The following PCDHGA8 variants were observed in gnomAD, a reference collection of about 807,000 sequenced individuals.
The protein encoded by PCDHGA8 is protocadherin gamma-A8.
In PCDHGA8, 45 loss-of-function variants were observed where a neutral mutation model predicts 59.2. The ratio of observed to expected loss-of-function variants is 0.76; its 90% CI spans 0.60 to 0.98. The LOEUF (loss-of-function observed/expected upper bound fraction) is 0.98, where lower values mean the gene tolerates loss of function less well. PCDHGA8 is among the 50% of genes least tolerant of loss of function. The pLI is 0.00. For missense variants in PCDHGA8, 1,257 were observed against 1,196.2 expected (o/e 1.05, Z -0.75); for synonymous variants, 531 against 519.0 (o/e 1.02, Z -0.32).
At chr5:141,507,443 G>A (rs2099860678) in intron 3 of PCDHGA8, among the ~76,000 whole-genome samples, 2 of 152,200 alleles carry the variant, frequency 1.3e-5, no homozygotes. Flanking sequence ...TACAGCTGAC[G>A]GAAGGACAGA....
intron 1 of PCDHGA8, chr5:141,414,689 T>G (rs1256681548): frequency 1.2e-6 from 2 of 1,614,070 alleles, no homozygotes; most frequent in Non-Finnish European, 8.5e-7. Context: ...GGGGTACCTC[T>G]GTCCTCATAC....
rs147522770 is a variant in PCDHGA8, at chr5:141,504,573, C to T, written c.2484-820C>T. On this transcript the variant is annotated intron_variant, in intron 2 of 3. Coordinates refer to ENST00000398604, the MANE Select transcript of PCDHGA8 (RefSeq NM_032088.2). ...TGGGGGACTGGCATTCTAGGGAACA[C>T]CATCTGCCCAGGATTCACAGCAAGA... Among the ~76,000 whole-genome samples the T allele has an allele frequency of 5.4e-5, 8 of 148,158 alleles. No individual in the cohort carries two copies. In the East Asian group the frequency reaches 1.6e-3, roughly 30 times the overall value.
chr5:141,509,199 GTC>G (rs1017134758), intron 3 of PCDHGA8, among the ~76,000 whole-genome samples: 1 of 152,070 alleles, frequency 6.6e-6, no homozygotes, highest in Non-Finnish European at 1.5e-5. Context: ...AATATTTCCT[GTC>G]TCTCTATTTC....
At position 141,394,405 on chromosome 5, in the gene PCDHGA8, T is replaced by C; in HGVS notation, c.1592T>C (p.Leu531Pro). Residue 531 changes from leucine (L) to proline (P), a missense_variant, in exon 1 of 4, where the codon CTG becomes CCG. By Grantham distance (98) the Leu-to-Pro change is moderately conservative. Coordinates refer to ENST00000398604, the MANE Select transcript of PCDHGA8 (RefSeq NM_032088.2). Reference protein sequence around the residue: ...DYEQIRDLQLLVTASDSGDPP... With the variant: ...DYEQIRDLQLPVTASDSGDPP... ...GAGCAGATCCGAGACCTGCAGCTACTGGTAACAGCCAGCGACAGCGGGGAC... is the reference window on the plus strand; with the variant it reads ...GAGCAGATCCGAGACCTGCAGCTACCGGTAACAGCCAGCGACAGCGGGGAC... 2 of 1,614,222 alleles carry C rather than the reference T, an allele frequency of 1.2e-6. No individual in the cohort carries two copies. The highest frequency in any genetic ancestry group is 1.7e-6 in the Non-Finnish European group (2 of 1,180,038).
chr5:141,475,388 G>C (rs1230010845), intron 1 of PCDHGA8, among the ~76,000 whole-genome samples: 8 of 152,170 alleles, frequency 5.3e-5, no homozygotes, highest in Non-Finnish European at 1.0e-4. Flanking sequence ...AATTTTATAA[G>C]CCAGAGTTAA....
intron 1 of PCDHGA8, chr5:141,424,576 C>CA (rs2096829154): frequency 6.6e-6 from 1 of 152,132 alleles, no homozygotes; most frequent in African/African-American, 2.4e-5. Context: ...AACCTATTTT[C>CA]AAATGTGCTA....
Position 141,491,383 on chromosome 5 carries a change from A to C in PCDHGA8, c.2425-3424A>C. The C allele has an allele frequency of 6.2e-7, 1 of 1,614,036 alleles. No individual in the cohort carries two copies. The highest frequency in any genetic ancestry group is 8.5e-7 in the Non-Finnish European group (1 of 1,179,962). ...AGTCACCTTCACCTTTCTGTCAGCG[A>C]AGTGCCTTCAGGGAAACGCAGACGG... On this transcript the variant is annotated intron_variant, in intron 1 of 3. Transcript: ENST00000398604. This position sits in a 1 kb window ranked among gnomAD's most constrained non-coding sequence, Gnocchi z 6.9.
At chr5:141,501,602 A>T (rs766918685) in intron 2 of PCDHGA8, among the ~76,000 whole-genome samples, 1 of 152,026 alleles carries the variant, frequency 6.6e-6, no homozygotes. Flanking sequence ...TACCAGTTCC[A>T]GCTGTGTGAC....
chr5:141,473,699 C>T (rs560096812), intron 1 of PCDHGA8, among the ~76,000 whole-genome samples: 2 of 152,244 alleles, frequency 1.3e-5, no homozygotes, highest in South Asian at 2.1e-4. Flanking sequence ...TGACCACCCT[C>T]CAAGTGGTGC....
At chr5:141,415,650 A>G in intron 1 of PCDHGA8, 1 of 1,597,054 alleles carries the variant, frequency 6.3e-7, no homozygotes, top group Non-Finnish European at 8.5e-7. Context: ...TTAAAAAAAA[A>G]AAGATTGGTT....
At chr5:141,433,060 C>T in intron 1 of PCDHGA8, 1 of 1,614,198 alleles carries the variant, frequency 6.2e-7, no homozygotes, top group Non-Finnish European at 8.5e-7. Flanking sequence ...GGAAGAGTCA[C>T]CTGATCTTCC....
intron 1 of PCDHGA8, chr5:141,430,875 T>A (rs1323872183): frequency 6.3e-7 from 1 of 1,599,400 alleles, no homozygotes; most frequent in Non-Finnish European, 8.5e-7. Context: ...CCGGAAGAGC[T>A]GGAGAAAGGC....
At chr5:141,402,971 T>C in intron 1 of PCDHGA8, 2 of 1,608,370 alleles carry the variant, frequency 1.2e-6, no homozygotes. Flanking sequence ...TCCAACCAAA[T>C]GCCAGCTCCG....
chr5:141,400,133 C>T, intron 1 of PCDHGA8: 1 of 1,614,066 alleles, frequency 6.2e-7, no homozygotes, highest in Non-Finnish European at 8.5e-7. Context: ...GAGGTGCTGC[C>T]GGATATCACT....
chr5:141,500,554 C>A (rs2099801320), intron 2 of PCDHGA8, among the ~76,000 whole-genome samples: 1 of 152,212 alleles, frequency 6.6e-6, no homozygotes, highest in Admixed American at 6.5e-5. Context: ...AAGTTGTTCA[C>A]AAACTTGTCA....
chr5:141,491,937 AC>A lies in PCDHGA8; in HGVS notation c.2425-2865del. ...CTGTGGGCGAGGGGAGGTGGGACCG[AC>A]CCCCACCCCTACACTCAAAAAAGGC... On this transcript the variant is annotated intron_variant, in intron 1 of 3. Transcript: ENST00000398604. This position sits in a 1 kb window ranked among gnomAD's most constrained non-coding sequence, Gnocchi z 6.9. The A allele has an allele frequency of 3.4e-6, 4 of 1,164,304 alleles. No homozygotes were observed. Among genetic ancestry groups the A allele is most frequent in the Non-Finnish European group, 4.7e-6 (4 of 858,404 alleles). The allele number at this position is 1,164,304 out of a possible 1,614,324, so 72.1% of individuals were successfully genotyped here.
chr5:141,423,415 G>GA (rs750028507), intron 1 of PCDHGA8: 3 of 1,614,134 alleles, frequency 1.9e-6, no homozygotes, highest in Non-Finnish European at 2.5e-6. Context: ...GCAGGCTTCT[G>GA]AAGGCGGGTT....
At position 141,393,000 on chromosome 5, in the gene PCDHGA8, G is replaced by A. The variant is rs772046833; in HGVS notation, c.187G>A (p.Gly63Arg). ...GLDPRKLAKHGVRIVSRGRTQ... is the reference protein window; with the variant it reads ...GLDPRKLAKHRVRIVSRGRTQ... The stretch of plus-strand genomic sequence containing the variant: ...GGACCCCCGGAAGCTGGCGAAGCAC[G>A]GAGTCCGTATCGTCTCCAGAGGTAG... The change falls in exon 1 of 4, where the codon GGA becomes AGA. Residue 63 changes from glycine (G) to arginine (R), a missense_variant. By Grantham distance (125) the Gly-to-Arg change is moderately radical. Transcript: ENST00000398604. The A allele has an allele frequency of 2.5e-6, 4 of 1,613,856 alleles. No individual in the cohort carries two copies. In the South Asian group the frequency reaches 4.4e-5, roughly 18 times the overall value.
rs560733170 is a variant in PCDHGA8, at chr5:141,503,895, A to G, written c.2484-1498A>G. ...TTGTGCTCACCCACCATGACAAAATATGCACACACACAACGCAACACACAC... is the reference window on the plus strand; with the variant it reads ...TTGTGCTCACCCACCATGACAAAATGTGCACACACACAACGCAACACACAC... On this transcript the variant is annotated intron_variant, in intron 2 of 3. Transcript: ENST00000398604. Among the ~76,000 whole-genome samples, 12 of 152,302 alleles carry G rather than the reference A, an allele frequency of 7.9e-5. No individual in the cohort carries two copies. The South Asian group carries it at 2.1e-3, about 26-fold the overall frequency.
Sources: allele counts gnomAD v4.1 joint callset (sites outside exome capture counted in the v4.1 genomes callset), GRCh38; gene constraint gnomAD v4.1.1; non-coding constraint Gnocchi (gnomAD v3.1); transcripts MANE v1.5; gene names NCBI Gene and HGNC (gene_info 2026-07-23, HGNC 2026-07-21).